Variants in TBC1D9 observed in about 807,000 individuals in gnomAD.
The protein encoded by TBC1D9 is TBC1 domain family member 9, also known as TBC1 domain family member 9A.
In TBC1D9, 63 loss-of-function variants were observed where a neutral mutation model predicts 132.0. The observed-to-expected ratio is 0.48, with a 90% CI of 0.39 to 0.59. TBC1D9 has a LOEUF of 0.59. Among genes scored for constraint, TBC1D9 ranks in the 20% least tolerant of loss-of-function variants. The pLI is 0.00. For missense variants in TBC1D9, 1,261 were observed against 1,592.7 expected, an observed-to-expected ratio of 0.79 and a Z score of 3.54; for synonymous variants, 610 against 609.9, an observed-to-expected ratio of 1.00 and a Z score of 0.00.
chr4:140,673,806 G>A (rs1398934731), intron 6 of TBC1D9, among the ~76,000 whole-genome samples: 1 of 152,174 alleles, frequency 6.6e-6, no homozygotes, highest in Non-Finnish European at 1.5e-5. Context: ...AATAGAGGTT[G>A]AGAATATTAA....
chr4:140,701,803 C>T (rs1404860305), intron 1 of TBC1D9, among the ~76,000 whole-genome samples, 189 bp from the exon 2 acceptor site: 1 of 152,166 alleles, frequency 6.6e-6, no homozygotes, highest in African/African-American at 2.4e-5. Context: ...GACAAGGTCA[C>T]GAGAAGCAGT....
intron 15 of TBC1D9, among the ~76,000 whole-genome samples, chr4:140,636,812 A>G (rs2110973782): frequency 6.6e-6 from 1 of 152,324 alleles, no homozygotes; most frequent in South Asian, 2.1e-4. Flanking sequence ...GATTCCATGA[A>G]GTGTCCATAA....
chr4:140,645,327 A>G (rs1578822145), intron 13 of TBC1D9: 1 of 503,758 alleles, frequency 2.0e-6, no homozygotes, highest in East Asian at 5.7e-5. Flanking sequence ...GGCCCCAGCC[A>G]GCCACTGCTG....
chr4:140,755,659 T>A (rs1738999089), intron 1 of TBC1D9, among the ~76,000 whole-genome samples: 1 of 152,150 alleles, frequency 6.6e-6, no homozygotes, highest in Non-Finnish European at 1.5e-5. Flanking sequence ...CCAGACTCAC[T>A]CTTTCCCATT....
At chr4:140,691,694 T>A (rs1163892791) in intron 2 of TBC1D9, among the ~76,000 whole-genome samples, 2 of 152,256 alleles carry the variant, frequency 1.3e-5, no homozygotes, top group Non-Finnish European at 2.9e-5. Context: ...GAACACTTGA[T>A]AGGCTTAAGG....
intron 13 of TBC1D9, chr4:140,644,055 G>A (rs969170067): frequency 1.6e-5 from 7 of 443,028 alleles, no homozygotes; most frequent in African/African-American, 4.0e-5. Context: ...GGGCGAGAGT[G>A]TCAGGCGCTT....
Position 140,694,375 on chromosome 4 carries a change from T to A in TBC1D9, c.241+7129A>T, listed in dbSNP as rs1296654663. Among the ~76,000 whole-genome samples the A allele has an allele frequency of 2.6e-5, 4 of 152,096 alleles. No homozygotes were observed. In the East Asian group the frequency reaches 7.7e-4, roughly 29 times the overall value. ...CACTTGAGGTCAGGAGTTTGAGATCTGCCTGGGCAGCATGATGAAACCTCA... is the reference window on the plus strand; with the variant it reads ...CACTTGAGGTCAGGAGTTTGAGATCAGCCTGGGCAGCATGATGAAACCTCA... On this transcript the variant is annotated intron_variant, in intron 2 of 20. Transcript: ENST00000442267.
chr4:140,687,368 A>T (rs768014447), intron 2 of TBC1D9, among the ~76,000 whole-genome samples: 22,920 of 92,738 alleles, frequency 0.25, 4,212 homozygotes, highest in African/African-American at 0.29. Context: ...ATATATATAT[A>T]TATATATATA....
At chr4:140,746,418 A>G (rs1033598174) in intron 1 of TBC1D9, among the ~76,000 whole-genome samples, 1 of 152,180 alleles carries the variant, frequency 6.6e-6, no homozygotes, top group African/African-American at 2.4e-5. Context: ...GGTAGAGTCC[A>G]TAGCTTTTAT....
At chr4:140,698,491 C>T (rs1014844136) in intron 2 of TBC1D9, among the ~76,000 whole-genome samples, 1 of 152,162 alleles carries the variant, frequency 6.6e-6, no homozygotes, top group African/African-American at 2.4e-5. Flanking sequence ...TGGCTCATGC[C>T]TGTAATCCCA....
intron 1 of TBC1D9, among the ~76,000 whole-genome samples, chr4:140,713,724 T>C (rs1396427150): frequency 6.7e-6 from 1 of 148,444 alleles, no homozygotes; most frequent in Non-Finnish European, 1.5e-5. Flanking sequence ...GGAGACAGAG[T>C]GAGACCCTAT....
rs568053353 is a variant in TBC1D9 at position 140,621,241 on chromosome 4, C to T, written c.*954G>A. ...GATTTGATGGAAAGATGGTCATATG[C>T]GATATGTGGTATAAATTTCTTCAAT... On this transcript the variant is annotated 3_prime_UTR_variant, in exon 21 of 21. Transcript: ENST00000442267. The T allele has an allele frequency of 3.3e-5, 5 of 152,460 alleles. No homozygotes were observed. The highest frequency in any genetic ancestry group is 5.9e-5 in the Non-Finnish European group (4 of 67,984). 9.4% of individuals were successfully genotyped at this position (152,460 alleles called of 1,614,324 possible). A position where few individuals can be genotyped will look rare whatever the true frequency, so the allele number is the denominator to read the frequency against.
chr4:140,696,914 T>C (rs1304336046), intron 2 of TBC1D9, among the ~76,000 whole-genome samples: 1 of 152,198 alleles, frequency 6.6e-6, no homozygotes, highest in African/African-American at 2.4e-5. Flanking sequence ...TTTAATATAT[T>C]TTCCTATGCC....
At chr4:140,662,784 C>T (rs1171369942) in intron 9 of TBC1D9, among the ~76,000 whole-genome samples, 4 of 152,020 alleles carry the variant, frequency 2.6e-5, no homozygotes, top group African/African-American at 4.8e-5. Context: ...ACAGAAAAAC[C>T]CTATATGCAA....
Position 140,622,873 on chromosome 4 carries a change from G to A in TBC1D9, c.3123C>T (p.Ser1041=), listed in dbSNP as rs767019424. 3.3e-5 allele frequency: 53 copies of A among 1,584,746 alleles called. 1 individual carries two copies. In the South Asian group the frequency reaches 3.8e-4, roughly 11 times the overall value. Residue 1041 remains serine, a synonymous_variant, in exon 21 of 21, where the codon AGC becomes AGT. Coordinates refer to ENST00000442267, the MANE Select transcript of TBC1D9 (RefSeq NM_015130.3). The stretch of plus-strand genomic sequence containing the variant: ...ACAGCTCCTGCTCATTGGGGTCTTC[G>A]CTGAACATGTTATACATTGTCTTAC... ...ELCKTMYNMF[S]EDPNEQELYH... is the part of the protein sequence containing the mutation.
At chr4:140,686,310 T>C (rs755103819) in intron 3 of TBC1D9, 34 bp downstream of exon 3, 1 of 1,234,910 alleles carries the variant, frequency 8.1e-7, no homozygotes, top group South Asian at 1.3e-5. Flanking sequence ...TTGAAATTAT[T>C]TCCAATTAAA....
chr4:140,741,662 G>T (rs2111078500), intron 1 of TBC1D9, among the ~76,000 whole-genome samples: 2 of 152,306 alleles, frequency 1.3e-5, no homozygotes, highest in East Asian at 3.9e-4. Context: ...AGGATGCAGT[G>T]AGCAGAGATC....
chr4:140,727,532 C>A (rs550980761), intron 1 of TBC1D9, among the ~76,000 whole-genome samples: 1 of 152,288 alleles, frequency 6.6e-6, no homozygotes, highest in South Asian at 2.1e-4. Flanking sequence ...AACTATTTTC[C>A]ATAAAGGGCA....
In TBC1D9 at chr4:140,622,937, AAC is replaced by A; in HGVS notation, c.3079-22_3079-21del. On this transcript the variant is annotated intron_variant, in intron 20 of 20. Coordinates refer to ENST00000442267, the MANE Select transcript of TBC1D9 (RefSeq NM_015130.3). ...CTGCCCCTGAAAAGCGATTTGGAAA[AAC>A]ACAATGTGAAATCTTGGGGGAGCAG... 6.7e-7 allele frequency: 1 copy of A among 1,494,776 alleles called. No homozygotes were observed. 92.6% of individuals were successfully genotyped at this position (1,494,776 alleles called of 1,614,324 possible).
Sources: allele counts gnomAD v4.1 joint callset (sites outside exome capture counted in the v4.1 genomes callset), GRCh38; gene constraint gnomAD v4.1.1; transcripts MANE v1.5; gene names NCBI Gene and HGNC (gene_info 2026-07-23, HGNC 2026-07-21).